CTNNA2: variants seen among roughly 807,000 people sequenced by gnomAD.
CTNNA2 encodes the protein catenin alpha 2.
A neutral mutation model predicts 101.0 loss-of-function variants in CTNNA2; 42 were observed. The observed-to-expected ratio is 0.42, with a 90% confidence interval of 0.32 to 0.54. The LOEUF is 0.54. Among genes scored for constraint, CTNNA2 ranks in the 20% least tolerant of loss-of-function variants. CTNNA2 has a pLI of 0.14. For missense variants in CTNNA2, 871 were observed against 1,223.1 expected, an observed-to-expected ratio of 0.71 and a Z score of 4.29; for synonymous variants, 450 against 456.4, an observed-to-expected ratio of 0.99 and a Z score of 0.18.
chr2:79,863,374 G>A (rs1681777333), intron 4 of CTNNA2, among the ~76,000 whole-genome samples: 1 of 152,152 alleles, frequency 6.6e-6, no homozygotes, highest in African/African-American at 2.4e-5. Context: ...GGTTGGGAGA[G>A]GGAGGTCTCA....
chr2:80,222,356 A>G (rs1708619858), intron 7 of CTNNA2, among the ~76,000 whole-genome samples: 1 of 152,176 alleles, frequency 6.6e-6, no homozygotes, highest in African/African-American at 2.4e-5. Context: ...ATTTCCTTAT[A>G]CCATGCATAG....
intron 9 of CTNNA2, among the ~76,000 whole-genome samples, chr2:80,457,117 C>T (rs1684046984): frequency 6.6e-6 from 1 of 151,676 alleles, no homozygotes; most frequent in Non-Finnish European, 1.5e-5. Context: ...CGCTCTGTCA[C>T]CCAGGCGGTG....
intron 9 of CTNNA2, among the ~76,000 whole-genome samples, chr2:80,472,678 A>G (rs887808894): frequency 6.6e-6 from 1 of 152,110 alleles, no homozygotes; most frequent in African/African-American, 2.4e-5. Flanking sequence ...ATGCCCAAGA[A>G]AAGACTGGGA....
At chr2:80,523,872 A>T (rs1347132337) in intron 9 of CTNNA2, among the ~76,000 whole-genome samples, 1 of 152,196 alleles carries the variant, frequency 6.6e-6, no homozygotes, top group African/African-American at 2.4e-5. Context: ...AGAGTAAGGG[A>T]AGATTACGTT....
chr2:80,014,742 C>A (rs59250176), intron 7 of CTNNA2, among the ~76,000 whole-genome samples: 35,203 of 152,090 alleles, frequency 0.23, 5,016 homozygotes, highest in African/African-American at 0.4. Context: ...AGTCATGAAA[C>A]AAAGAAATTT....
intron 2 of CTNNA2, among the ~76,000 whole-genome samples, chr2:79,677,899 C>T (rs994302302): frequency 5.9e-5 from 9 of 152,280 alleles, no homozygotes; most frequent in Middle Eastern, 3.4e-3. Flanking sequence ...GGCATCCTGT[C>T]CTCCGGAAAG....
intron 2 of CTNNA2, among the ~76,000 whole-genome samples, chr2:79,215,831 G>A (rs1015778899): frequency 1.1e-4 from 16 of 152,076 alleles, no homozygotes; most frequent in South Asian, 4.2e-4. Flanking sequence ...GGTGATAAAA[G>A]GATTATAGGG....
intron 7 of CTNNA2, among the ~76,000 whole-genome samples, chr2:80,015,838 C>A (rs889612712): frequency 6.6e-6 from 1 of 151,912 alleles, no homozygotes; most frequent in African/African-American, 2.4e-5. Context: ...ATTTTCATAC[C>A]CATTTCCTGA....
chr2:79,472,500 G>A (rs888217267), intron 4 of CTNNA2, among the ~76,000 whole-genome samples: 2 of 151,770 alleles, frequency 1.3e-5, no homozygotes, highest in African/African-American at 2.4e-5. Context: ...GAAGAATAGT[G>A]CCCATTTGCA....
At chr2:80,581,596 A>C (rs371205344) in intron 13 of CTNNA2, 110 bp from the exon 14 acceptor site, 1 of 695,214 alleles carries the variant, frequency 1.4e-6, no homozygotes, top group Non-Finnish European at 2.6e-6. Context: ...GCTATGTAGG[A>C]TGCTATAAGC....
intron 3 of CTNNA2, among the ~76,000 whole-genome samples, chr2:79,749,941 C>A (rs1671903168): frequency 6.6e-6 from 1 of 152,146 alleles, no homozygotes; most frequent in Non-Finnish European, 1.5e-5. Context: ...AAGTCCCGGC[C>A]TTTCCAAGCA....
intron 7 of CTNNA2, among the ~76,000 whole-genome samples, chr2:80,349,686 A>G (rs1200564907): frequency 6.6e-6 from 1 of 151,668 alleles, no homozygotes; most frequent in African/African-American, 2.4e-5. Context: ...GTTCATTTTA[A>G]TGAATGAATT....
intron 2 of CTNNA2, among the ~76,000 whole-genome samples, chr2:79,296,475 T>C (rs1236454433): frequency 6.6e-6 from 1 of 152,182 alleles, no homozygotes; most frequent in African/African-American, 2.4e-5. Flanking sequence ...GCATACCTAC[T>C]TTTTTCTCAT....
chr2:79,429,506 C>G (rs962369538), intron 4 of CTNNA2, among the ~76,000 whole-genome samples: 3 of 152,106 alleles, frequency 2.0e-5, no homozygotes, highest in African/African-American at 7.2e-5. Flanking sequence ...TTACGATGTT[C>G]ATTTAATTTA....
chr2:80,549,754 A>C (rs1692408521), intron 11 of CTNNA2, among the ~76,000 whole-genome samples: 1 of 152,152 alleles, frequency 6.6e-6, no homozygotes, highest in Non-Finnish European at 1.5e-5. Flanking sequence ...TGTGTAATTG[A>C]TCGCCCCTTC....
chr2:79,455,310 C>G (rs1057190968), intron 4 of CTNNA2, among the ~76,000 whole-genome samples: 2 of 152,122 alleles, frequency 1.3e-5, no homozygotes, highest in African/African-American at 2.4e-5. Flanking sequence ...GTTCTTCACT[C>G]TATGACATTG....
intron 9 of CTNNA2, among the ~76,000 whole-genome samples, chr2:80,490,503 A>AT (rs928978719): frequency 3.3e-5 from 5 of 151,942 alleles, no homozygotes; most frequent in African/African-American, 1.2e-4. Flanking sequence ...TACTCTTTAG[A>AT]TTTTTTTTAA....
chr2:80,575,276 A>G (rs893479782), intron 13 of CTNNA2: 3 of 152,242 alleles, frequency 2.0e-5, no homozygotes. Context: ...AAAATATTCT[A>G]GTAAACACAC....
intron 18 of CTNNA2, among the ~76,000 whole-genome samples, chr2:80,626,083 A>T (rs2149817031): frequency 6.6e-6 from 1 of 152,178 alleles, no homozygotes; most frequent in African/African-American, 2.4e-5. Flanking sequence ...GTTATGACAC[A>T]CAAATTGTTA....
Sources: gnomAD v4.1 joint callset for allele counts (sites outside exome capture counted in the v4.1 genomes callset) on GRCh38, gnomAD v4.1.1 for gene constraint, MANE v1.5 for transcripts, NCBI Gene and HGNC (gene_info 2026-07-23, HGNC 2026-07-21) for gene names.